Variants in C10orf67 observed in about 807,000 individuals in gnomAD.
C10orf67 encodes the protein uncharacterized protein C10orf67, mitochondrial.
In C10orf67, 60 loss-of-function variants were observed where a neutral mutation model predicts 35.6. That is an observed-to-expected ratio of 1.68 (90% CI 1.37 to 2.09). C10orf67 has a LOEUF of 2.09. Ranked by LOEUF, C10orf67 falls within the 30% of genes most tolerant of loss-of-function variation. C10orf67 has a pLI of 0.00. For missense variants in C10orf67, 474 were observed against 330.2 expected (o/e 1.44, Z -3.38); for synonymous variants, 167 against 115.8 (o/e 1.44, Z -2.84).
At chr10:23,320,650 A>G in intron 4 of C10orf67, 91 bp downstream of exon 4, 1 of 971,590 alleles carries the variant, frequency 1.0e-6, no homozygotes. Context: ...CTGGAAACAC[A>G]GACTGGGAAG....
At chr10:23,228,657 C>T (rs1189246872) in intron 13 of C10orf67, among the ~76,000 whole-genome samples, 1 of 151,980 alleles carries the variant, frequency 6.6e-6, no homozygotes, top group Non-Finnish European at 1.5e-5. Flanking sequence ...CAGGCAACCA[C>T]AAAATGGGAG....
chr10:23,263,966 G>A (rs1344723558), intron 10 of C10orf67, among the ~76,000 whole-genome samples: 1 of 152,096 alleles, frequency 6.6e-6, no homozygotes, highest in Non-Finnish European at 1.5e-5. Context: ...GCTCCGTTGT[G>A]GGTAGCACAT....
At chr10:23,248,540 G>A (rs890533034) in intron 12 of C10orf67, among the ~76,000 whole-genome samples, 1 of 152,182 alleles carries the variant, frequency 6.6e-6, no homozygotes, top group Non-Finnish European at 1.5e-5. Context: ...ATTGGACTCT[G>A]ATCTTGACTG....
intron 12 of C10orf67, among the ~76,000 whole-genome samples, chr10:23,247,483 T>C (rs1842346532): frequency 6.6e-6 from 1 of 152,174 alleles, no homozygotes; most frequent in African/African-American, 2.4e-5. Context: ...GGCTATGCCA[T>C]CTAGGTTTGT....
intron 13 of C10orf67, among the ~76,000 whole-genome samples, 172 bp from the exon 14 acceptor site, chr10:23,223,990 C>T (rs926906136): frequency 6.6e-6 from 1 of 152,170 alleles, no homozygotes; most frequent in Admixed American, 6.5e-5. Context: ...TGGGATAGAG[C>T]CTCTTTCTTC....
At chr10:23,228,642 G>A (rs1841814201) in intron 13 of C10orf67, among the ~76,000 whole-genome samples, 1 of 152,154 alleles carries the variant, frequency 6.6e-6, no homozygotes. Flanking sequence ...TACCATCAGA[G>A]TGAACAGGCA....
At chr10:23,329,016 A>C (rs1039288412) in intron 2 of C10orf67, among the ~76,000 whole-genome samples, 1 of 149,418 alleles carries the variant, frequency 6.7e-6, no homozygotes, top group Non-Finnish European at 1.5e-5. Flanking sequence ...AAAAAAAAGA[A>C]AGAAAGAAAG....
At chr10:23,314,266 T>A (rs574849325) in intron 4 of C10orf67, among the ~76,000 whole-genome samples, 1 of 151,948 alleles carries the variant, frequency 6.6e-6, no homozygotes, top group African/African-American at 2.4e-5. Flanking sequence ...TTACTAAATA[T>A]GAAAGATGAA....
At chr10:23,325,415 T>C (rs1210463011) in intron 2 of C10orf67, among the ~76,000 whole-genome samples, 1 of 148,180 alleles carries the variant, frequency 6.7e-6, no homozygotes, top group Non-Finnish European at 1.5e-5. Context: ...GATACATACA[T>C]GGGGCAGACT....
intron 15 of C10orf67, among the ~76,000 whole-genome samples, chr10:23,220,537 T>C (rs181865813): frequency 5.3e-5 from 8 of 152,248 alleles, no homozygotes. Context: ...TTATTGAAAA[T>C]GGGATATTTT....
At chr10:23,311,466 C>T (rs541855923) in intron 4 of C10orf67, among the ~76,000 whole-genome samples, 75 of 152,290 alleles carry the variant, frequency 4.9e-4, no homozygotes, top group African/African-American at 1.8e-3. Context: ...AATCCCAGCA[C>T]TTTGGGAGGC....
intron 2 of C10orf67, among the ~76,000 whole-genome samples, chr10:23,323,501 T>C (rs1289440855): frequency 1.3e-5 from 2 of 152,038 alleles, no homozygotes; most frequent in Non-Finnish European, 2.9e-5. Context: ...AAAAAAAATT[T>C]ATTCTCTATG....
chr10:23,232,864 AAAAG>A (rs1249341131), intron 13 of C10orf67, among the ~76,000 whole-genome samples: 1 of 152,220 alleles, frequency 6.6e-6, no homozygotes, highest in Non-Finnish European at 1.5e-5. Context: ...AGCAGTCATT[AAAAG>A]TGTACATAAT....
intron 2 of C10orf67, among the ~76,000 whole-genome samples, chr10:23,328,092 A>G (rs1189392525): frequency 6.6e-6 from 1 of 152,176 alleles, no homozygotes; most frequent in Non-Finnish European, 1.5e-5. Context: ...TAAAAATACT[A>G]TATTTCAAAG....
chr10:23,212,491 C>G (rs1405602257), intron 15 of C10orf67, among the ~76,000 whole-genome samples: 1 of 152,162 alleles, frequency 6.6e-6, no homozygotes, highest in African/African-American at 2.4e-5. Context: ...AAATTCACTT[C>G]TTGAAGGCAG....
intron 13 of C10orf67, among the ~76,000 whole-genome samples, chr10:23,231,137 A>G (rs1172458918): frequency 6.6e-6 from 1 of 152,000 alleles, no homozygotes; most frequent in East Asian, 1.9e-4. Flanking sequence ...TTTTTTGTAG[A>G]GACAGAGTCT....
intron 1 of C10orf67, among the ~76,000 whole-genome samples, chr10:23,333,976 A>G (rs1035741799): frequency 1.3e-5 from 2 of 152,216 alleles, no homozygotes; most frequent in African/African-American, 4.8e-5. Context: ...GAAAAATAAA[A>G]TAAAATAAAT....
At chr10:23,280,965 A>G (rs1368515658) in intron 8 of C10orf67, among the ~76,000 whole-genome samples, 3 of 152,188 alleles carry the variant, frequency 2.0e-5, no homozygotes, top group Non-Finnish European at 2.9e-5. Flanking sequence ...ACTTTGGAGG[A>G]ATGACAGAGG....
intron 8 of C10orf67, among the ~76,000 whole-genome samples, chr10:23,275,606 C>T (rs150225253): frequency 1.1e-4 from 16 of 152,174 alleles, no homozygotes; most frequent in Admixed American, 2.0e-4. Context: ...CACATGCACA[C>T]GCACACACAC....
Sources: gnomAD v4.1 joint callset for allele counts (sites outside exome capture counted in the v4.1 genomes callset) on GRCh38, gnomAD v4.1.1 for gene constraint, MANE v1.5 for transcripts, NCBI Gene and HGNC (gene_info 2026-07-23, HGNC 2026-07-21) for gene names.